The following RNF111 variants were observed in gnomAD, a reference collection of about 807,000 sequenced individuals.
RNF111 encodes the protein E3 ubiquitin-protein ligase Arkadia.
A neutral mutation model predicts 95.1 loss-of-function variants in RNF111; 17 were observed. The observed-to-expected ratio is 0.18, with a 90% confidence interval of 0.12 to 0.27. RNF111 has a LOEUF of 0.27. Among genes scored for constraint, RNF111 ranks in the 10% least tolerant of loss-of-function variants. RNF111 has a pLI of 1.00. For missense variants in RNF111, 1,189 were observed against 1,210.4 expected (o/e 0.98, Z 0.26); for synonymous variants, 440 against 414.8 (o/e 1.06, Z -0.74).
chr15:59,059,950 T>C (rs778843647), intron 5 of RNF111, among the ~76,000 whole-genome samples: 3 of 152,222 alleles, frequency 2.0e-5, no homozygotes, highest in Non-Finnish European at 4.4e-5. Context: ...TTCATGTAAT[T>C]TACATCTAGC....
intron 3 of RNF111, among the ~76,000 whole-genome samples, chr15:59,054,373 C>T (rs2042119348): frequency 6.6e-6 from 1 of 152,098 alleles, no homozygotes. Flanking sequence ...GCAGTTGCTC[C>T]ATCTAGTACA....
At chr15:59,072,123 C>A (rs2042954187) in intron 6 of RNF111, among the ~76,000 whole-genome samples, 1 of 152,170 alleles carries the variant, frequency 6.6e-6, no homozygotes, top group Non-Finnish European at 1.5e-5. Context: ...GAGACTTCAG[C>A]AAATTGTAAA....
intron 2 of RNF111, among the ~76,000 whole-genome samples, chr15:59,041,121 T>C (rs1169376835): frequency 1.3e-5 from 2 of 152,208 alleles, no homozygotes; most frequent in Non-Finnish European, 2.9e-5. Context: ...TATATCTCCG[T>C]ATATCTCATT....
intron 1 of RNF111, among the ~76,000 whole-genome samples, chr15:58,990,582 G>A (rs936019794): frequency 6.6e-5 from 10 of 152,182 alleles, no homozygotes; most frequent in South Asian, 4.1e-4. Context: ...CCTCGGAGGC[G>A]GAGGTTGCAG....
Position 59,058,450 on chromosome 15 carries a change from C to G in RNF111, c.1266C>G (p.Ala422=). ...CAAATCCATCTACCTCTGAGCAGGC[C>G]TCTGATACTGCTTCAGCTGTCACCA... ...NNSNPSTSEQ[A]SDTASAVTSS... Residue 422 remains alanine (A), a synonymous_variant, in exon 5 of 14, where the codon GCC becomes GCG. Coordinates refer to ENST00000348370, the MANE Select transcript of RNF111 (RefSeq NM_017610.8). 1 of 1,614,072 alleles carries G rather than the reference C, an allele frequency of 6.2e-7. No homozygotes were observed. The highest frequency in any genetic ancestry group is 8.5e-7 in the Non-Finnish European group (1 of 1,179,970).
At chr15:59,070,092 C>G (rs898895127) in intron 6 of RNF111, among the ~76,000 whole-genome samples, 2 of 127,078 alleles carry the variant, frequency 1.6e-5, no homozygotes, top group African/African-American at 6.1e-5. Context: ...TCAGGCTGGC[C>G]TTAAACTCCT....
chr15:58,989,596 CAT>C (rs2038722000), intron 1 of RNF111, among the ~76,000 whole-genome samples: 1 of 152,176 alleles, frequency 6.6e-6, no homozygotes, highest in Non-Finnish European at 1.5e-5. Flanking sequence ...TTTCACCAGA[CAT>C]AGAACTGGTT....
chr15:59,024,981 A>C (rs977287904), intron 1 of RNF111, among the ~76,000 whole-genome samples: 1 of 152,224 alleles, frequency 6.6e-6, no homozygotes, highest in Non-Finnish European at 1.5e-5. Context: ...AGATTCATCC[A>C]TGTTGTAATG....
chr15:59,013,687 G>A (rs1354428162), intron 1 of RNF111, among the ~76,000 whole-genome samples: 2 of 152,146 alleles, frequency 1.3e-5, no homozygotes, highest in African/African-American at 4.8e-5. Flanking sequence ...GGGAGGGGTT[G>A]TTAAGTTTCA....
At chr15:59,070,411 T>A (rs1221839145) in intron 6 of RNF111, among the ~76,000 whole-genome samples, 3 of 152,198 alleles carry the variant, frequency 2.0e-5, no homozygotes, top group Non-Finnish European at 2.9e-5. Flanking sequence ...TGACTAGAGA[T>A]GAAGATAAAA....
intron 13 of RNF111, chr15:59,093,399 T>C (rs1481460758): frequency 2.3e-6 from 1 of 430,654 alleles, no homozygotes; most frequent in Non-Finnish European, 4.5e-6. Context: ...TTGCCCAGGC[T>C]CAGGGCAGCA....
chr15:59,045,580 A>G (rs895194575), intron 2 of RNF111, among the ~76,000 whole-genome samples: 4 of 152,210 alleles, frequency 2.6e-5, no homozygotes. Context: ...ACATATAGAT[A>G]TAACTTTTCT....
intron 10 of RNF111, among the ~76,000 whole-genome samples, 177 bp downstream of exon 10, chr15:59,085,962 T>C (rs1444970465): frequency 6.6e-6 from 1 of 152,130 alleles, no homozygotes; most frequent in Non-Finnish European, 1.5e-5. Context: ...CACGTATAAT[T>C]TGCATCATAA....
chr15:59,015,491 C>T (rs1434532439), intron 1 of RNF111, among the ~76,000 whole-genome samples: 4 of 152,028 alleles, frequency 2.6e-5, no homozygotes, highest in African/African-American at 9.7e-5. Context: ...TAAGAGCTTC[C>T]TCCGTAGTCT....
chr15:59,000,153 T>G (rs2141432990), intron 1 of RNF111, among the ~76,000 whole-genome samples: 1 of 145,432 alleles, frequency 6.9e-6, no homozygotes, highest in African/African-American at 2.6e-5. Context: ...TCCAGTGATT[T>G]TTTTTTTCCC....
At chr15:59,020,751 G>A (rs190987334) in intron 1 of RNF111, among the ~76,000 whole-genome samples, 27 of 152,204 alleles carry the variant, frequency 1.8e-4, no homozygotes, top group Non-Finnish European at 3.1e-4. Context: ...AATTTAGGGG[G>A]CTGAAACATC....
intron 1 of RNF111, among the ~76,000 whole-genome samples, chr15:59,028,545 G>A (rs1220393562): frequency 6.6e-6 from 1 of 152,106 alleles, no homozygotes; most frequent in Admixed American, 6.5e-5. Context: ...CTGAAGCTGT[G>A]GAAAGTTAAA....
At chr15:59,084,455 G>A (rs2078838940) in intron 9 of RNF111, 1 of 403,552 alleles carries the variant, frequency 2.5e-6, no homozygotes, top group Admixed American at 4.5e-5. Context: ...TATCAAGCAG[G>A]AGTAGTACTT....
chr15:59,095,960 CAT>C lies in RNF111; in HGVS notation c.*1061_*1062del. 1 of 398,404 alleles carries C rather than the reference CAT, an allele frequency of 2.5e-6. No individual in the cohort carries two copies. The allele number at this position is 398,404 out of a possible 1,614,324, so 24.7% of individuals were successfully genotyped here. ...AGGTAAATAAAGTCAGCTGAATCTACATGTCTCTTGTTTTATTTCTCTCTAAA... is the reference window on the plus strand; with the variant it reads ...AGGTAAATAAAGTCAGCTGAATCTACGTCTCTTGTTTTATTTCTCTCTAAA... On this transcript the variant is annotated 3_prime_UTR_variant, in exon 14 of 14. Transcript: ENST00000348370.
Sources: allele counts gnomAD v4.1 joint callset (sites outside exome capture counted in the v4.1 genomes callset), GRCh38; gene constraint gnomAD v4.1.1; transcripts MANE v1.5; gene names NCBI Gene and HGNC (gene_info 2026-07-23, HGNC 2026-07-21).